The following GOLGA1 variants were observed in gnomAD, a reference collection of about 807,000 sequenced individuals.
The protein encoded by GOLGA1 is golgin A1.
A neutral mutation model predicts 119.7 loss-of-function variants in GOLGA1; 63 were observed. That is an observed-to-expected ratio of 0.53 (90% CI 0.43 to 0.65). GOLGA1 has a LOEUF of 0.65. Among genes scored for constraint, GOLGA1 ranks in the 30% least tolerant of loss-of-function variants. GOLGA1 has a pLI of 0.00. For synonymous variants in GOLGA1, 318 were observed against 333.4 expected (o/e 0.95, Z 0.50); for missense variants, 798 against 912.8 (o/e 0.87, Z 1.62).
intron 15 of GOLGA1, among the ~76,000 whole-genome samples, chr9:124,897,967 TA>T (rs1326857311): frequency 6.6e-6 from 1 of 152,302 alleles, no homozygotes; most frequent in East Asian, 1.9e-4. Flanking sequence ...TGGGGGCATA[TA>T]AGAAAGTGAC....
In GOLGA1 at chr9:124,881,317, G is replaced by T; in HGVS notation, c.2137-60C>A. On this transcript the variant is annotated intron_variant, in intron 21 of 22. Transcript: ENST00000373555. This position sits in a 1 kb window ranked among gnomAD's most constrained non-coding sequence, Gnocchi z 4.9. The stretch of plus-strand genomic sequence containing the variant: ...GGTGAAGGTGAGGCGGGGTGGGGTC[G>T]GGGGAGCTACGTGGCATTTCCTGCT... 1.1e-6 allele frequency: 1 copy of T among 943,900 alleles called. No homozygotes were observed. Among genetic ancestry groups the T allele is most frequent in the South Asian group, 1.3e-5 (1 of 77,684 alleles). 58.5% of individuals were successfully genotyped at this position (943,900 alleles called of 1,614,324 possible).
At chr9:124,904,935 C>A (rs1221436798) in intron 12 of GOLGA1, among the ~76,000 whole-genome samples, 7 of 113,006 alleles carry the variant, frequency 6.2e-5, no homozygotes, top group Non-Finnish European at 8.9e-5. Context: ...CAGAGCCAGA[C>A]TCTGTCTCAA....
Position 124,881,838 on chromosome 9 carries a change from G to A in GOLGA1, c.2082C>T (p.Asn694=). 1 of 1,613,218 alleles carries A rather than the reference G, an allele frequency of 6.2e-7. No individual in the cohort carries two copies. Among genetic ancestry groups the A allele is most frequent in the Non-Finnish European group, 8.5e-7 (1 of 1,179,454 alleles). Reference sequence around the variant, plus strand: ...AAACCACATGTTTAAGGTACTCAAAGTTGATCTCGCGGGCATCTGTCAGGT... The same window carrying A: ...AAACCACATGTTTAAGGTACTCAAAATTGATCTCGCGGGCATCTGTCAGGT... The part of the protein sequence containing the change: ...NTDLTDAREI[N]FEYLKHVVLK... Residue 694 remains asparagine (N), a synonymous_variant, in exon 21 of 23, where the codon AAC becomes AAT. Transcript: ENST00000373555. This position sits in a 1 kb window ranked among gnomAD's most constrained non-coding sequence, Gnocchi z 4.9.
At position 124,928,265 on chromosome 9, in the gene GOLGA1, C is replaced by G. The variant is rs764636494; in HGVS notation, c.322G>C (p.Glu108Gln). 2 of 1,600,794 alleles carry G rather than the reference C, an allele frequency of 1.2e-6. No homozygotes were observed. Among genetic ancestry groups the G allele is most frequent in the Non-Finnish European group, 1.7e-6 (2 of 1,169,206 alleles). Residue 108 changes from glutamate to glutamine, a missense_variant, in exon 6 of 23, where the codon GAG becomes CAG. Transcript: ENST00000373555. Reference sequence around the variant, plus strand: ...TTGGCTTGGAATGTCTCATTCTGCTCTTGAAATTTCCGCATGGAAGCTGTT... The same window carrying G: ...TTGGCTTGGAATGTCTCATTCTGCTGTTGAAATTTCCGCATGGAAGCTGTT... ...HQDSSMRKFQ[E>Q]QNETFQANRA...
chr9:124,939,349 A>C (rs1317888829), intron 2 of GOLGA1, among the ~76,000 whole-genome samples: 3 of 152,158 alleles, frequency 2.0e-5, no homozygotes, highest in African/African-American at 7.2e-5. Flanking sequence ...TATGTAATTC[A>C]ATATGTAAAA....
chr9:124,919,719 G>A (rs76188640), intron 10 of GOLGA1, among the ~76,000 whole-genome samples: 4,416 of 152,210 alleles, frequency 0.029, 227 homozygotes, highest in African/African-American at 0.097. Context: ...TGAAAGATGA[G>A]GGTAGGGTGG....
chr9:124,888,784 C>T lies in GOLGA1; in HGVS notation c.1761+359G>A, dbSNP rs535955395. Reference sequence around the variant, plus strand: ...GGCGCAATCTCGGCTCCACCAAGCTCCGCCTCCCGGGTTCACATCATTCTC... The same window carrying T: ...GGCGCAATCTCGGCTCCACCAAGCTTCGCCTCCCGGGTTCACATCATTCTC... On this transcript the variant is annotated intron_variant, in intron 18 of 22. Coordinates refer to ENST00000373555, the MANE Select transcript of GOLGA1 (RefSeq NM_002077.4). The surrounding 1 kb of genome is among the most constrained non-coding windows in gnomAD (Gnocchi z 4.4). 5.9e-4 allele frequency among the ~76,000 whole-genome samples: 90 copies of T among 152,290 alleles called. No individual in the cohort carries two copies. The highest frequency in any genetic ancestry group is 1.2e-3 in the Non-Finnish European group (84 of 68,014).
intron 10 of GOLGA1, among the ~76,000 whole-genome samples, chr9:124,916,907 AACAAAAAAAAAACCCACCATCG>A (rs941313796): frequency 1.4e-5 from 2 of 147,776 alleles, no homozygotes; most frequent in Non-Finnish European, 3.0e-5. Context: ...AAAAAACGAA[AACAAAAAAAAAACCCACCATCG>A]ACAAAAATTA....
chr9:124,889,511 T>A lies in GOLGA1; in HGVS notation c.1523A>T (p.Asp508Val). The A allele has an allele frequency of 6.2e-7, 1 of 1,613,490 alleles. No individual in the cohort carries two copies. Among genetic ancestry groups the A allele is most frequent in the East Asian group, 2.2e-5 (1 of 44,876 alleles). ...TTCCCGCAGATTCTGTTCCTTCTCGTCTATTATGGCTGTCAGGTTAGCTGC... is the reference window on the plus strand; with the variant it reads ...TTCCCGCAGATTCTGTTCCTTCTCGACTATTATGGCTGTCAGGTTAGCTGC... Reference protein sequence around the residue: ...QQAANLTAIIDEKEQNLREKT... With the variant: ...QQAANLTAIIVEKEQNLREKT... Residue 508 changes from aspartate to valine, a missense_variant, in exon 17 of 23, where the codon GAC (aspartate) becomes GTC (valine). By Grantham distance (152) the Asp-to-Val change is radical. Coordinates refer to ENST00000373555, the MANE Select transcript of GOLGA1 (RefSeq NM_002077.4).
In GOLGA1 at chr9:124,921,133, T is replaced by C. The variant is rs771396805; in HGVS notation, c.839A>G (p.Gln280Arg). Residue 280 changes from glutamine (Q) to arginine (R), a missense_variant, in exon 10 of 23, where the codon CAA becomes CGA. Gln to Arg is a conservative substitution (Grantham distance 43). Coordinates refer to ENST00000373555, the MANE Select transcript of GOLGA1 (RefSeq NM_002077.4). ...ALIQQLSIDL[Q>R]KVTAETQEKE... is the part of the protein sequence containing the mutation. Reference sequence around the variant, plus strand: ...TTCTCCTCATATTCTACTTACCTTTTGCAAATCAATGGAAAGCTGCTGAAT... The same window carrying C: ...TTCTCCTCATATTCTACTTACCTTTCGCAAATCAATGGAAAGCTGCTGAAT... The C allele has an allele frequency of 1.3e-6, 2 of 1,572,196 alleles. No individual in the cohort carries two copies. The highest frequency in any genetic ancestry group is 2.2e-5 in the East Asian group (1 of 44,654).
At chr9:124,924,660 G>GA (rs1275465350) in intron 7 of GOLGA1, among the ~76,000 whole-genome samples, 1 of 121,006 alleles carries the variant, frequency 8.3e-6, no homozygotes, top group Non-Finnish European at 1.7e-5. Flanking sequence ...AAGAAAAAAA[G>GA]AAAAAAGGAC....
intron 12 of GOLGA1, among the ~76,000 whole-genome samples, chr9:124,903,426 C>A (rs542861943): frequency 2.9e-4 from 44 of 151,810 alleles, no homozygotes; most frequent in Non-Finnish European, 4.6e-4. Context: ...TGCAGTGAGC[C>A]AAGATCGCAC....
At chr9:124,901,605 T>A (rs533858420) in intron 12 of GOLGA1, among the ~76,000 whole-genome samples, 43 of 151,974 alleles carry the variant, frequency 2.8e-4, no homozygotes, top group African/African-American at 9.6e-4. Flanking sequence ...CCAGCTAATG[T>A]TTTGTATTTT....
intron 7 of GOLGA1, 92 bp downstream of exon 7, chr9:124,926,617 T>C (rs751483891): frequency 2.0e-4 from 166 of 818,030 alleles, no homozygotes; most frequent in South Asian, 5.0e-4. Flanking sequence ...AGAGGTGGTA[T>C]AGCAATCAGT....
chr9:124,933,656 C>T (rs1830812995), intron 3 of GOLGA1, among the ~76,000 whole-genome samples: 1 of 152,156 alleles, frequency 6.6e-6, no homozygotes, highest in Admixed American at 6.5e-5. Context: ...CTCAACTGAT[C>T]CATCTGCCTT....
rs373364298 is a variant in GOLGA1 at position 124,889,424 on chromosome 9, G to C, written c.1600+10C>G. 6.2e-7 allele frequency: 1 copy of C among 1,603,998 alleles called. No individual in the cohort carries two copies. On this transcript the variant is annotated intron_variant, in intron 17 of 22. Coordinates refer to ENST00000373555, the MANE Select transcript of GOLGA1 (RefSeq NM_002077.4). ...AGGAGAGAAGGCTCAGCCAGGGACC[G>C]ACTCCTCACCTCGCTCCAGCTGGAG...
chr9:124,923,230 G>C lies in GOLGA1; in HGVS notation c.433-7C>G. The C allele has an allele frequency of 7.0e-6, 11 of 1,578,666 alleles. No homozygotes were observed. The highest frequency in any genetic ancestry group is 9.5e-6 in the Non-Finnish European group (11 of 1,155,226). ...CTGTCAGAATATTTTTCTCCTATTT[G>C]AAAGAAGAAGACATCAACTCAGGCA... On this transcript the variant is annotated splice_region_variant and splice_polypyrimidine_tract_variant and intron_variant, in intron 7 of 22. Coordinates refer to ENST00000373555, the MANE Select transcript of GOLGA1 (RefSeq NM_002077.4).
chr9:124,912,112 C>A lies in GOLGA1; in HGVS notation c.844-86G>T, dbSNP rs1830352943. 4.8e-5 allele frequency: 56 copies of A among 1,161,836 alleles called. No individual in the cohort carries two copies. In the South Asian group the frequency reaches 7.5e-4, roughly 16 times the overall value. 72.0% of individuals were successfully genotyped at this position (1,161,836 alleles called of 1,614,324 possible). A position where few individuals can be genotyped will look rare whatever the true frequency, so the allele number is the denominator to read the frequency against. ...TCTTTTGGGCCATCACATTTTCCTG[C>A]AACTCTGTCCTCAACTGTATCCTAG... On this transcript the variant is annotated intron_variant, in intron 10 of 22. Transcript: ENST00000373555.
intron 10 of GOLGA1, among the ~76,000 whole-genome samples, chr9:124,920,136 T>A (rs1220144695): frequency 6.6e-6 from 1 of 152,016 alleles, no homozygotes; most frequent in Non-Finnish European, 1.5e-5. Context: ...TATTTTTATT[T>A]TTAAAGATAG....
Sources: allele counts gnomAD v4.1 joint callset (sites outside exome capture counted in the v4.1 genomes callset), GRCh38; gene constraint gnomAD v4.1.1; non-coding constraint Gnocchi (gnomAD v3.1); transcripts MANE v1.5; gene names NCBI Gene and HGNC (gene_info 2026-07-23, HGNC 2026-07-21).